The following MINPP1 variants were observed in gnomAD, a reference collection of about 807,000 sequenced individuals.
The protein encoded by MINPP1 is multiple inositol polyphosphate phosphatase 1.
MINPP1 carries 28 observed loss-of-function variants against 46.1 expected under a neutral mutation model. The ratio of observed to expected loss-of-function variants is 0.61; its 90% CI spans 0.45 to 0.83. The LOEUF (loss-of-function observed/expected upper bound fraction) is 0.83, where lower values mean the gene tolerates loss of function less well. MINPP1 is among the 40% of genes least tolerant of loss of function. The probability of loss-of-function intolerance (pLI) is 0.00; values close to 1 mark genes in which losing one functional copy is unlikely to be tolerated. For synonymous variants in MINPP1, 268 were observed against 249.1 expected (o/e 1.08, Z -0.72); for missense variants, 603 against 610.0 (o/e 0.99, Z 0.12).
chr10:87,551,768 A>G (rs1455898525), intron 4 of MINPP1, among the ~76,000 whole-genome samples: 1 of 152,172 alleles, frequency 6.6e-6, no homozygotes, highest in Non-Finnish European at 1.5e-5. Flanking sequence ...GTTGAAATAC[A>G]CATCTGTTTC....
At chr10:87,542,911 A>T (rs1420824989) in intron 4 of MINPP1, among the ~76,000 whole-genome samples, 3 of 152,250 alleles carry the variant, frequency 2.0e-5, no homozygotes, top group Non-Finnish European at 2.9e-5. Context: ...TAAAAGGCAA[A>T]GGCTGGAAGA....
At position 87,507,788 on chromosome 10, in the gene MINPP1, T is replaced by C. The variant is rs541701625; in HGVS notation, c.638-548T>C. Reference sequence around the variant, plus strand: ...GGCTTCAGTTAAAAGATAAACCAATTCACAGGCCCAGCACAGTGAAGCACA... The same window carrying C: ...GGCTTCAGTTAAAAGATAAACCAATCCACAGGCCCAGCACAGTGAAGCACA... On this transcript the variant is annotated intron_variant, in intron 1 of 4. Coordinates refer to ENST00000371996, the MANE Select transcript of MINPP1 (RefSeq NM_004897.5). 7 of 984,380 alleles carry C rather than the reference T, an allele frequency of 7.1e-6. No individual in the cohort carries two copies. The African/African-American group carries it at 1.2e-4, about 17-fold the overall frequency. The allele number at this position is 984,380 out of a possible 1,614,324, so 61.0% of individuals were successfully genotyped here.
intron 3 of MINPP1, among the ~76,000 whole-genome samples, chr10:87,513,450 C>G (rs1323005913): frequency 6.6e-6 from 1 of 152,090 alleles, no homozygotes; most frequent in Non-Finnish European, 1.5e-5. Flanking sequence ...AACATTTTTT[C>G]CATGATGATT....
chr10:87,507,747 A>G (rs1851274019), intron 1 of MINPP1: 1 of 743,424 alleles, frequency 1.3e-6, no homozygotes, highest in Non-Finnish European at 1.6e-6. Context: ...TAAATTTTAT[A>G]TAGAAAGTTA....
At chr10:87,539,386 C>T (rs538878906) in intron 4 of MINPP1, among the ~76,000 whole-genome samples, 2 of 152,254 alleles carry the variant, frequency 1.3e-5, no homozygotes, top group African/African-American at 2.4e-5. Context: ...TGGGATACTT[C>T]TGCCAAGAGT....
At position 87,512,188 on chromosome 10, in the gene MINPP1, C is replaced by G. The variant is rs555458075; in HGVS notation, c.836-936C>G. Among the ~76,000 whole-genome samples the G allele has an allele frequency of 1.4e-4, 21 of 152,272 alleles. No individual in the cohort carries two copies. In the South Asian group the frequency reaches 3.9e-3, roughly 29 times the overall value. ...TGTTTTTATTTACTAACAAAGGCTA[C>G]TTTTTATAGCCCAAGCATTCATTCC... On this transcript the variant is annotated intron_variant, in intron 2 of 4. Transcript: ENST00000371996.
At chr10:87,549,677 GGAGA>G (rs1245165878) in intron 4 of MINPP1, among the ~76,000 whole-genome samples, 1 of 152,196 alleles carries the variant, frequency 6.6e-6, no homozygotes, top group Non-Finnish European at 1.5e-5. Context: ...GGGGGAAAGA[GGAGA>G]GAGTTACTGA....
At chr10:87,539,669 T>G (rs1851785530) in intron 4 of MINPP1, among the ~76,000 whole-genome samples, 1 of 152,202 alleles carries the variant, frequency 6.6e-6, no homozygotes, top group South Asian at 2.1e-4. Flanking sequence ...CGGGGATTCT[T>G]GGGGTATAGA....
At chr10:87,525,314 C>T (rs1851560711) in intron 4 of MINPP1, among the ~76,000 whole-genome samples, 1 of 152,194 alleles carries the variant, frequency 6.6e-6, no homozygotes, top group Admixed American at 6.5e-5. Flanking sequence ...CATCCCCTGG[C>T]AACCACTAAT....
At chr10:87,522,113 T>G (rs968721878) in intron 4 of MINPP1, among the ~76,000 whole-genome samples, 1 of 152,196 alleles carries the variant, frequency 6.6e-6, no homozygotes, top group Non-Finnish European at 1.5e-5. Context: ...ATGGTAGTTA[T>G]GCTTCAGTAA....
intron 3 of MINPP1, among the ~76,000 whole-genome samples, chr10:87,518,250 C>T (rs1329190521): frequency 6.6e-6 from 1 of 151,618 alleles, no homozygotes; most frequent in Non-Finnish European, 1.5e-5. Context: ...TGAGCCACCG[C>T]ACCCGGCCCT....
chr10:87,547,202 C>T (rs1173116957), intron 4 of MINPP1, among the ~76,000 whole-genome samples: 1 of 151,978 alleles, frequency 6.6e-6, no homozygotes, highest in African/African-American at 2.4e-5. Flanking sequence ...ACCACTGCCC[C>T]CTGGGTCAAG....
At chr10:87,517,355 A>T (rs1464107785) in intron 3 of MINPP1, among the ~76,000 whole-genome samples, 1 of 152,186 alleles carries the variant, frequency 6.6e-6, no homozygotes, top group African/African-American at 2.4e-5. Flanking sequence ...TCCGTAAAAC[A>T]TGTACCTGTA....
At chr10:87,539,141 A>G (rs1387314317) in intron 4 of MINPP1, among the ~76,000 whole-genome samples, 1 of 152,220 alleles carries the variant, frequency 6.6e-6, no homozygotes, top group African/African-American at 2.4e-5. Context: ...TATTCCTAAA[A>G]TAAGAAGGGT....
intron 4 of MINPP1, among the ~76,000 whole-genome samples, chr10:87,528,459 G>A (rs1297460942): frequency 1.3e-5 from 2 of 152,076 alleles, no homozygotes; most frequent in African/African-American, 4.8e-5. Flanking sequence ...CCTTCATTTC[G>A]TTATGTACCC....
At chr10:87,509,634 C>T (rs552580759) in intron 2 of MINPP1, 42 of 227,018 alleles carry the variant, frequency 1.9e-4, no homozygotes, top group Admixed American at 8.6e-4. Context: ...TCCTTTCTCA[C>T]CAGTGGTAAT....
At chr10:87,511,180 A>T (rs555630807) in intron 2 of MINPP1, among the ~76,000 whole-genome samples, 1 of 152,146 alleles carries the variant, frequency 6.6e-6, no homozygotes, top group Non-Finnish European at 1.5e-5. Flanking sequence ...TATATTAATT[A>T]TATCTTTTAA....
intron 4 of MINPP1, among the ~76,000 whole-genome samples, chr10:87,530,230 G>GTC (rs1851638218): frequency 6.6e-6 from 1 of 152,086 alleles, no homozygotes; most frequent in Non-Finnish European, 1.5e-5. Flanking sequence ...GTCATTCTCC[G>GTC]TCCAGCTTTG....
Position 87,551,414 on chromosome 10 carries a change from G to GA in MINPP1, c.1068-658dup, listed in dbSNP as rs200210688. Among the ~76,000 whole-genome samples, 157 of 148,378 alleles carry GA rather than the reference G, an allele frequency of 1.1e-3. 3 individuals are homozygous for GA. The highest frequency in any genetic ancestry group is 6.9e-3 in the Middle Eastern group (2 of 288). ...GCTTCTTAATAAAAATTCTTTACCA[G>GA]AAAAAAAAAATCATAGAAAACTTCA... On this transcript the variant is annotated intron_variant, in intron 4 of 4. Coordinates refer to ENST00000371996, the MANE Select transcript of MINPP1 (RefSeq NM_004897.5).
Sources: gnomAD v4.1 joint callset for allele counts (sites outside exome capture counted in the v4.1 genomes callset) on GRCh38, gnomAD v4.1.1 for gene constraint, MANE v1.5 for transcripts, NCBI Gene and HGNC (gene_info 2026-07-23, HGNC 2026-07-21) for gene names.